The following ARHGAP32 variants were observed in gnomAD, a reference collection of about 807,000 sequenced individuals.
The protein encoded by ARHGAP32 is Rho GTPase activating protein 32.
ARHGAP32 carries 51 observed loss-of-function variants against 186.5 expected under a neutral mutation model. That is an observed-to-expected ratio of 0.27 (90% confidence interval 0.22 to 0.35). The LOEUF is 0.35. Ranked by LOEUF, ARHGAP32 falls within the 10% of genes least tolerant of loss-of-function variation. The pLI is 1.00. For missense variants in ARHGAP32, 2,186 were observed against 2,623.5 expected (o/e 0.83, Z 3.64); for synonymous variants, 950 against 964.3 (o/e 0.99, Z 0.27).
At chr11:129,107,966 A>G (rs1942096614) in intron 5 of ARHGAP32, among the ~76,000 whole-genome samples, 1 of 151,896 alleles carries the variant, frequency 6.6e-6, no homozygotes, top group Non-Finnish European at 1.5e-5. Context: ...AAGATGTTCT[A>G]TGTAATCACT....
In ARHGAP32 at chr11:128,966,110, G is replaced by A. The variant is rs1300225260; in HGVS notation, c.*2797C>T. 10 of 152,126 alleles carry A rather than the reference G, an allele frequency of 6.6e-5. No homozygotes were observed. The highest frequency in any genetic ancestry group is 1.5e-4 in the Non-Finnish European group (10 of 68,032). 9.4% of individuals were successfully genotyped at this position (152,126 alleles called of 1,614,324 possible). A position where few individuals can be genotyped will look rare whatever the true frequency, so the allele number is the denominator to read the frequency against. On this transcript the variant is annotated 3_prime_UTR_variant, in exon 23 of 23. Coordinates refer to ENST00000682385, the MANE Select transcript of ARHGAP32 (RefSeq NM_001378024.1). ...TTGTTAGCAAAATTTTTAGCCAGAC[G>A]TCCAGGGAATATTTATTTCAATCAG...
chr11:129,174,750 A>T (rs1032874344), intron 1 of ARHGAP32, among the ~76,000 whole-genome samples: 1 of 152,168 alleles, frequency 6.6e-6, no homozygotes, highest in African/African-American at 2.4e-5. Flanking sequence ...TAGAAGGAAA[A>T]CTAACAAACA....
At chr11:129,149,341 G>C (rs189813084) in intron 2 of ARHGAP32, among the ~76,000 whole-genome samples, 1 of 152,276 alleles carries the variant, frequency 6.6e-6, no homozygotes, top group Non-Finnish European at 1.5e-5. Context: ...ATTCGAGAAA[G>C]CCAGCACACT....
At chr11:129,089,559 C>A (rs1722487350) in intron 6 of ARHGAP32, among the ~76,000 whole-genome samples, 1 of 152,098 alleles carries the variant, frequency 6.6e-6, no homozygotes, top group Admixed American at 6.6e-5. Context: ...CCACAGCATG[C>A]GAGTGAGGAG....
chr11:129,126,888 T>C (rs563653278), intron 2 of ARHGAP32, among the ~76,000 whole-genome samples: 16 of 152,338 alleles, frequency 1.1e-4, no homozygotes, highest in African/African-American at 3.6e-4. Context: ...TCTTTTATGA[T>C]GTTTGTGCAC....
chr11:129,202,923 C>T (rs1326012397), intron 1 of ARHGAP32: 1 of 152,156 alleles, frequency 6.6e-6, no homozygotes, highest in African/African-American at 2.4e-5. Flanking sequence ...AAAAGAAAAA[C>T]ACGCTACCAG....
chr11:129,018,415 C>T (rs2134875195), intron 11 of ARHGAP32, among the ~76,000 whole-genome samples: 1 of 152,222 alleles, frequency 6.6e-6, no homozygotes, highest in Middle Eastern at 3.4e-3. Context: ...AAAATGACAT[C>T]GATTTACAGT....
rs529112427 is a variant in ARHGAP32, at chr11:128,967,785, A to G, written c.*1122T>C. ...CTGTGAACTAAGCAGTTATTGCAGG[A>G]ACTTGCAGTCTAATAATAGATAATG... On this transcript the variant is annotated 3_prime_UTR_variant, in exon 23 of 23. Coordinates refer to ENST00000682385, the MANE Select transcript of ARHGAP32 (RefSeq NM_001378024.1). The G allele has an allele frequency of 6.6e-6, 1 of 152,326 alleles. No homozygotes were observed. Among genetic ancestry groups the G allele is most frequent in the South Asian group, 2.1e-4 (1 of 4,814 alleles). The allele number at this position is 152,326 out of a possible 1,614,324, so 9.4% of individuals were successfully genotyped here. A position where few individuals can be genotyped will look rare whatever the true frequency, so the allele number is the denominator to read the frequency against.
intron 11 of ARHGAP32, among the ~76,000 whole-genome samples, chr11:129,022,943 GAGC>G (rs1276291345): frequency 6.6e-6 from 1 of 152,116 alleles, no homozygotes; most frequent in East Asian, 1.9e-4. Context: ...ATTATTATAT[GAGC>G]AGTAGATGCT....
intron 11 of ARHGAP32, among the ~76,000 whole-genome samples, chr11:129,004,055 G>C (rs561391725): frequency 6.6e-6 from 1 of 151,868 alleles, no homozygotes; most frequent in East Asian, 1.9e-4. Context: ...GTTTTGGTAT[G>C]TTGTTTCTGT....
At chr11:129,015,090 A>C (rs1264462069) in intron 11 of ARHGAP32, among the ~76,000 whole-genome samples, 1 of 152,228 alleles carries the variant, frequency 6.6e-6, no homozygotes, top group East Asian at 1.9e-4. Flanking sequence ...TCTGCTCTTC[A>C]AAAGAAAATA....
chr11:129,049,757 C>T lies in ARHGAP32; in HGVS notation c.964-8748G>A, dbSNP rs193186259. Among the ~76,000 whole-genome samples the T allele has an allele frequency of 3.3e-5, 5 of 152,240 alleles. No individual in the cohort carries two copies. The South Asian group carries it at 8.3e-4, about 25-fold the overall frequency. On this transcript the variant is annotated intron_variant, in intron 10 of 22. Transcript: ENST00000682385. Reference sequence around the variant, plus strand: ...GTAATATTCTATTGTATGGACACCACCATTTGTCTATTAATCTGCTGTTGA... The same window carrying T: ...GTAATATTCTATTGTATGGACACCATCATTTGTCTATTAATCTGCTGTTGA...
At chr11:129,146,272 T>C (rs1175381091) in intron 2 of ARHGAP32, among the ~76,000 whole-genome samples, 1 of 152,148 alleles carries the variant, frequency 6.6e-6, no homozygotes, top group Non-Finnish European at 1.5e-5. Context: ...ATTTCAGTTA[T>C]CCACAGTCAA....
intron 21 of ARHGAP32, 68 bp downstream of exon 21, chr11:128,974,056 C>T (rs759848416): frequency 5.2e-6 from 8 of 1,546,196 alleles, no homozygotes; most frequent in Admixed American, 1.9e-5. Flanking sequence ...TCTTAAAAGG[C>T]ACAGATGGCA....
chr11:129,128,731 G>A (rs1942721695), intron 2 of ARHGAP32, among the ~76,000 whole-genome samples: 1 of 152,090 alleles, frequency 6.6e-6, no homozygotes, highest in Non-Finnish European at 1.5e-5. Context: ...TTGCAGGCCC[G>A]CACCGCCACA....
intron 1 of ARHGAP32, among the ~76,000 whole-genome samples, chr11:129,235,126 C>T (rs987140614): frequency 3.0e-4 from 45 of 152,156 alleles, no homozygotes; most frequent in African/African-American, 8.7e-4. Flanking sequence ...GAGAAGGCCA[C>T]GTGAAGGGAG....
chr11:129,056,271 A>G (rs1175440735), intron 10 of ARHGAP32, among the ~76,000 whole-genome samples: 1 of 152,176 alleles, frequency 6.6e-6, no homozygotes, highest in African/African-American at 2.4e-5. Flanking sequence ...TACAAAAATC[A>G]AGTCTATTGA....
At chr11:129,251,406 T>C (rs1945180191) in intron 1 of ARHGAP32, among the ~76,000 whole-genome samples, 1 of 152,068 alleles carries the variant, frequency 6.6e-6, no homozygotes, top group African/African-American at 2.4e-5. Flanking sequence ...ACAGTAAACT[T>C]CTAAAAATAA....
intron 2 of ARHGAP32, among the ~76,000 whole-genome samples, chr11:129,126,707 T>C (rs1398053035): frequency 2.0e-5 from 3 of 152,166 alleles, no homozygotes; most frequent in Non-Finnish European, 4.4e-5. Flanking sequence ...GAATATAGTA[T>C]TGAGTATTAA....
Sources: gnomAD v4.1 joint callset for allele counts (sites outside exome capture counted in the v4.1 genomes callset) on GRCh38, gnomAD v4.1.1 for gene constraint, MANE v1.5 for transcripts, NCBI Gene and HGNC (gene_info 2026-07-23, HGNC 2026-07-21) for gene names.